DEAF1: variants seen among roughly 807,000 people sequenced by gnomAD.
DEAF1 encodes the protein deformed epidermal autoregulatory factor 1 homolog.
Under a neutral mutation model 58.9 loss-of-function variants are expected in DEAF1, and 53 were observed. The observed-to-expected ratio is 0.90, with a 90% confidence interval of 0.72 to 1.13. The LOEUF (loss-of-function observed/expected upper bound fraction) is 1.13, where lower values mean the gene tolerates loss of function less well. DEAF1 is among the 50% of genes most tolerant of loss of function. DEAF1 has a pLI of 0.00. For synonymous variants in DEAF1, 385 were observed against 340.4 expected, an observed-to-expected ratio of 1.13 and a Z score of -1.44; for missense variants, 685 against 791.4, an observed-to-expected ratio of 0.87 and a Z score of 1.61.
upstream of DEAF1, chr11:695,659 C>T: frequency 8.0e-7 from 1 of 1,243,862 alleles, no homozygotes. Flanking sequence ...AGTGCCCGAG[C>T]GGTGCCGGAC....
At chr11:700,228 G>T (rs201741407) in intron 1 of DEAF1, 1 of 1,613,332 alleles carries the variant, frequency 6.2e-7, no homozygotes, top group South Asian at 1.1e-5. Flanking sequence ...TGATGATCAC[G>T]TATAAAAGTA....
rs1860621290 is a variant in DEAF1 at position 686,969 on chromosome 11, C to T, written c.693G>A (p.Gly231=). 1 of 1,614,088 alleles carries T rather than the reference C, an allele frequency of 6.2e-7. No homozygotes were observed. The highest frequency in any genetic ancestry group is 1.3e-5 in the African/African-American group (1 of 74,916). ...ACTCGGTGGGACTGTACCAGTTCTC[C>T]CCCTGCTTGATGCACCGTCCCCGGC... ...SGGRGRCIKQ[G]ENWYSPTEFE... is the part of the protein sequence containing the mutation. The change falls in exon 5 of 12, where the codon GGG becomes GGA. Residue 231 remains glycine (G), a synonymous_variant. Coordinates refer to ENST00000382409, the MANE Select transcript of DEAF1 (RefSeq NM_021008.4).
chr11:670,934 T>TTTTTTG (rs1292103538), intron 10 of DEAF1, among the ~76,000 whole-genome samples: 3 of 135,470 alleles, frequency 2.2e-5, no homozygotes, highest in Non-Finnish European at 4.7e-5. Context: ...GGCTAATGTT[T>TTTTTTG]TTTTTTTTTT....
chr11:679,995 A>T (rs1860276544), intron 7 of DEAF1, 179 bp from the exon 8 acceptor site: 1 of 768,562 alleles, frequency 1.3e-6, no homozygotes, highest in Admixed American at 2.8e-5. Context: ...AAGACCTCAC[A>T]GGAGAAAACC....
chr11:673,092 T>G (rs1214592093), intron 10 of DEAF1, among the ~76,000 whole-genome samples: 1 of 151,788 alleles, frequency 6.6e-6, no homozygotes, highest in African/African-American at 2.4e-5. Flanking sequence ...GAGGTTGCAG[T>G]TAGCCAAGAT....
At chr11:683,786 C>G (rs1317891869) in intron 6 of DEAF1, among the ~76,000 whole-genome samples, 1 of 152,168 alleles carries the variant, frequency 6.6e-6, no homozygotes, top group African/African-American at 2.4e-5. Context: ...TCAATCTTCC[C>G]TGGTCTCTCT....
In DEAF1 at chr11:681,906, T is replaced by C. The variant is rs530243901; in HGVS notation, c.871-817A>G. On this transcript the variant is annotated intron_variant, in intron 6 of 11. Transcript: ENST00000382409. Reference sequence around the variant, plus strand: ...CAGGCAATTTCTGTTGCCTGCTTTCTTCCTGTGTATGGTCCAAGGCTCCTT... The same window carrying C: ...CAGGCAATTTCTGTTGCCTGCTTTCCTCCTGTGTATGGTCCAAGGCTCCTT... Among the ~76,000 whole-genome samples the C allele has an allele frequency of 2.0e-5, 3 of 152,346 alleles. No homozygotes were observed. The East Asian group carries it at 5.8e-4, about 29-fold the overall frequency.
upstream of DEAF1, chr11:698,857 T>A (rs1370191743): frequency 1.9e-6 from 3 of 1,613,990 alleles, no homozygotes; most frequent in South Asian, 3.3e-5. Flanking sequence ...TCACGGCCCC[T>A]TTCTCTTTCA....
intron 11 of DEAF1, among the ~76,000 whole-genome samples, chr11:647,667 G>T (rs964512332): frequency 2.0e-4 from 30 of 152,208 alleles, no homozygotes; most frequent in Non-Finnish European, 2.9e-4. Context: ...AGGAGGGCAG[G>T]CGCTAAAGCA....
chr11:652,820 C>T (rs963207111), intron 11 of DEAF1, among the ~76,000 whole-genome samples: 2 of 151,866 alleles, frequency 1.3e-5, no homozygotes, highest in African/African-American at 4.8e-5. Flanking sequence ...CAGTAGCTCA[C>T]ACCTCTAAAT....
Position 688,822 on chromosome 11 carries a change from C to A in DEAF1, c.388-362G>T, listed in dbSNP as rs1328222173. On this transcript the variant is annotated intron_variant, in intron 2 of 11. Transcript: ENST00000382409. The surrounding 1 kb of genome is among the most constrained non-coding windows in gnomAD (Gnocchi z 4.3). ...AACAGACCGAGTTGGCCGCCACAGA[C>A]AAGGCCTTGTGCAGGACCGCCCTCC... Among the ~76,000 whole-genome samples, 2 of 152,216 alleles carry A rather than the reference C, an allele frequency of 1.3e-5. No homozygotes were observed. Among genetic ancestry groups the A allele is most frequent in the Non-Finnish European group, 2.9e-5 (2 of 68,040 alleles).
intron 10 of DEAF1, among the ~76,000 whole-genome samples, chr11:657,983 C>A (rs1197367289): frequency 2.0e-5 from 3 of 152,106 alleles, no homozygotes; most frequent in Admixed American, 1.3e-4. Context: ...ACAGGGACAC[C>A]CAGCGACGGT....
chr11:695,229 G>C, upstream of DEAF1: 1 of 553,918 alleles, frequency 1.8e-6, no homozygotes, highest in Non-Finnish European at 2.8e-6. Flanking sequence ...GTCCGCCCGC[G>C]GAGCGGAGCC....
chr11:648,202 T>TC (rs1455678572), intron 11 of DEAF1, among the ~76,000 whole-genome samples: 2 of 151,260 alleles, frequency 1.3e-5, no homozygotes, highest in Non-Finnish European at 1.5e-5. Flanking sequence ...CTGCCTTTTT[T>TC]TTTTTTTTTT....
chr11:701,460 G>A (rs1298830881), intron 1 of DEAF1, among the ~76,000 whole-genome samples: 3 of 143,184 alleles, frequency 2.1e-5, no homozygotes, highest in Admixed American at 1.4e-4. Context: ...GCCCAGGCTG[G>A]AGTGCAGTGG....
rs1861054520 is a variant in DEAF1, at chr11:694,980, G to A, written c.68C>T (p.Ala23Val). The change falls in exon 1 of 12, where the codon GCC becomes GTC. Residue 23 changes from alanine to valine, a missense_variant. Physicochemically the swap from Ala to Val is moderately conservative, Grantham distance 64. This residue lies in a region of DEAF1 where 210 missense variants were observed against 177.3 expected (regional missense o/e 1.18). Transcript: ENST00000382409. ...LAEAAAVAAA[A>V]AVAAAAAAAA... ...GGCCGCGGCCGCCGCCGCCACAGCG[G>A]CCGCGGCCGCCACCGCCGCCGCCTC... The A allele has an allele frequency of 1.7e-6, 2 of 1,163,338 alleles. No homozygotes were observed. The highest frequency in any genetic ancestry group is 2.1e-6 in the Non-Finnish European group (2 of 944,276). The allele number at this position is 1,163,338 out of a possible 1,614,324, so 72.1% of individuals were successfully genotyped here. A position where few individuals can be genotyped will look rare whatever the true frequency, so the allele number is the denominator to read the frequency against.
At chr11:695,888 G>T, upstream of DEAF1, 2 of 1,217,764 alleles carry the variant, frequency 1.6e-6, no homozygotes, top group Non-Finnish European at 2.0e-6. Context: ...TTGCAGCGGC[G>T]GGCGCGGCGT....
chr11:680,554 G>A (rs1416697264), intron 7 of DEAF1, among the ~76,000 whole-genome samples: 4 of 152,184 alleles, frequency 2.6e-5, no homozygotes, highest in East Asian at 1.9e-4. Context: ...AGGCTGCAGC[G>A]AGCCGGGATC....
intron 6 of DEAF1, 116 bp downstream of exon 6, chr11:684,780 GTC>G (rs1425586808): frequency 7.0e-6 from 6 of 859,818 alleles, no homozygotes; most frequent in African/African-American, 6.7e-5. Flanking sequence ...TGAGGACAGT[GTC>G]TCTCTCCAAG....
Sources: allele counts gnomAD v4.1 joint callset (sites outside exome capture counted in the v4.1 genomes callset), GRCh38; gene constraint gnomAD v4.1.1; regional missense constraint gnomAD v4.1.1; non-coding constraint Gnocchi (gnomAD v3.1); transcripts MANE v1.5; gene names NCBI Gene and HGNC (gene_info 2026-07-23, HGNC 2026-07-21).